ACSM2A: variants seen among roughly 807,000 people sequenced by gnomAD.
ACSM2A encodes acyl-CoA synthetase medium chain family member 2A, also known as acyl-coenzyme A synthetase ACSM2A, mitochondrial.
ACSM2A carries 72 observed loss-of-function variants against 76.6 expected under a neutral mutation model. The ratio of observed to expected loss-of-function variants is 0.94; its 90% CI spans 0.78 to 1.14. The LOEUF is 1.14. ACSM2A is among the 50% of genes most tolerant of loss of function. The pLI, the probability that ACSM2A is intolerant of heterozygous loss-of-function variation, is 0.00. For synonymous variants in ACSM2A, 249 were observed against 255.9 expected, an observed-to-expected ratio of 0.97 and a Z score of 0.26; for missense variants, 684 against 708.5, an observed-to-expected ratio of 0.97 and a Z score of 0.39.
At chr16:20,471,727 G>C in intron 6 of ACSM2A, 38 bp downstream of exon 6, 1 of 1,585,390 alleles carries the variant, frequency 6.3e-7, no homozygotes, top group Non-Finnish European at 8.6e-7. Flanking sequence ...TATTCAGAGT[G>C]AGCCCGAGGT....
chr16:20,465,917 A>G (rs2012967977), intron 3 of ACSM2A, among the ~76,000 whole-genome samples, 190 bp downstream of exon 3: 1 of 152,196 alleles, frequency 6.6e-6, no homozygotes, highest in Non-Finnish European at 1.5e-5. Context: ...TGCAGGGTGA[A>G]CAACAACAAT....
chr16:20,478,226 A>G (rs1299274080), intron 9 of ACSM2A, among the ~76,000 whole-genome samples: 1 of 152,202 alleles, frequency 6.6e-6, no homozygotes, highest in Non-Finnish European at 1.5e-5. Context: ...GTCAGCTAGT[A>G]AGGTAGCAGA....
intron 4 of ACSM2A, among the ~76,000 whole-genome samples, chr16:20,470,413 T>C (rs13336742): frequency 0.026 from 3,893 of 152,324 alleles, 163 homozygotes; most frequent in African/African-American, 0.088. Flanking sequence ...ATAGCAAGAC[T>C]GGCTGGATTA....
intron 2 of ACSM2A, among the ~76,000 whole-genome samples, chr16:20,465,134 G>A (rs558971478): frequency 2.0e-5 from 3 of 152,220 alleles, no homozygotes; most frequent in African/African-American, 7.2e-5. Flanking sequence ...TTTCTACTAA[G>A]ACGTTAAAGG....
At chr16:20,479,434 T>C (rs2013959360) in intron 10 of ACSM2A, among the ~76,000 whole-genome samples, 1 of 152,168 alleles carries the variant, frequency 6.6e-6, no homozygotes, top group Non-Finnish European at 1.5e-5. Flanking sequence ...CCCTATAAAG[T>C]TTTTGGACTC....
intron 1 of ACSM2A, among the ~76,000 whole-genome samples, chr16:20,458,121 A>G (rs2012305629): frequency 6.6e-6 from 1 of 151,732 alleles, no homozygotes. Context: ...CTATTCAAGG[A>G]AAACTACAAA....
At chr16:20,485,989 G>T (rs2014365229) in intron 13 of ACSM2A, among the ~76,000 whole-genome samples, 1 of 152,194 alleles carries the variant, frequency 6.6e-6, no homozygotes, top group Non-Finnish European at 1.5e-5. Context: ...AAATTGGAGA[G>T]ATTTTATAGT....
chr16:20,468,565 G>C (rs2013156472), intron 3 of ACSM2A, among the ~76,000 whole-genome samples: 1 of 152,120 alleles, frequency 6.6e-6, no homozygotes, highest in African/African-American at 2.4e-5. Context: ...TCGCCATGTT[G>C]GCCAGGCTGG....
intron 13 of ACSM2A, 88 bp downstream of exon 13, chr16:20,483,265 C>A (rs1467488116): frequency 6.4e-7 from 1 of 1,556,460 alleles, no homozygotes; most frequent in Non-Finnish European, 8.7e-7. Flanking sequence ...GAGGACAGTC[C>A]TCTAATTTTA....
chr16:20,480,995 A>G (rs1353300075), intron 12 of ACSM2A, 74 bp downstream of exon 12: 6 of 1,567,900 alleles, frequency 3.8e-6, no homozygotes, highest in East Asian at 2.3e-5. Context: ...GTTTAAGAAC[A>G]GGGACTGTGG....
At chr16:20,460,398 T>C (rs2012544796) in intron 2 of ACSM2A, 107 bp downstream of exon 2, 1 of 1,487,054 alleles carries the variant, frequency 6.7e-7, no homozygotes, top group Admixed American at 2.2e-5. Flanking sequence ...TGTAAGGCAC[T>C]GTAATAAGCT....
intron 8 of ACSM2A, chr16:20,476,221 T>C: frequency 3.0e-6 from 3 of 1,001,250 alleles, no homozygotes; most frequent in Non-Finnish European, 3.6e-6. Context: ...GAACCCACCA[T>C]GACTTTACTG....
rs1294831042 is a variant in ACSM2A, at chr16:20,478,139, A to G, written c.1180-437A>G. Among the ~76,000 whole-genome samples, 18 of 152,318 alleles carry G rather than the reference A, an allele frequency of 1.2e-4. 1 individual carries two copies. The South Asian group carries it at 3.5e-3, about 30-fold the overall frequency. On this transcript the variant is annotated intron_variant, in intron 9 of 13. Coordinates refer to ENST00000573854, the MANE Select transcript of ACSM2A (RefSeq NM_001308172.2). ...TCTTAGTATCTTATTTCATTCCTAT[A>G]AAAATCCTGTGAAATAAGCTGTCAG... is the stretch of plus-strand genomic sequence containing the variant.
rs561498443 is a variant in ACSM2A, at chr16:20,461,916, A to C, written c.177+1625A>C. ...ACTAGGGTTTTCAAAGATAATTTGGAGGGCAGGGGGCTAAGGAATGGGTGC... is the reference window on the plus strand; with the variant it reads ...ACTAGGGTTTTCAAAGATAATTTGGCGGGCAGGGGGCTAAGGAATGGGTGC... On this transcript the variant is annotated intron_variant, in intron 2 of 13. Transcript: ENST00000573854. Among the ~76,000 whole-genome samples the C allele has an allele frequency of 6.6e-5, 10 of 152,248 alleles. No homozygotes were observed. The South Asian group carries it at 2.1e-3, about 32-fold the overall frequency.
intron 10 of ACSM2A, among the ~76,000 whole-genome samples, chr16:20,479,008 C>T (rs2141753804): frequency 6.6e-6 from 1 of 152,326 alleles, no homozygotes; most frequent in East Asian, 1.9e-4. Context: ...TCCCTCTCCC[C>T]TAGGTATCAT....
intron 2 of ACSM2A, among the ~76,000 whole-genome samples, chr16:20,462,828 C>CA (rs143998871): frequency 0.01 from 1,543 of 150,816 alleles, 24 homozygotes; most frequent in African/African-American, 0.035. Flanking sequence ...GGGTATACAC[C>CA]AAAAAAAACT....
chr16:20,477,913 T>G (rs1169230980), intron 9 of ACSM2A, among the ~76,000 whole-genome samples: 1 of 152,192 alleles, frequency 6.6e-6, no homozygotes, highest in Non-Finnish European at 1.5e-5. Flanking sequence ...TTTTCACTAG[T>G]AAAAATACAC....
intron 9 of ACSM2A, 115 bp downstream of exon 9, chr16:20,477,564 A>G: frequency 6.9e-7 from 1 of 1,450,852 alleles, no homozygotes; most frequent in Admixed American, 2.4e-5. Context: ...TATTAAGATA[A>G]CATAAGAAAA....
chr16:20,474,412 C>T (rs2013602451), intron 6 of ACSM2A, among the ~76,000 whole-genome samples: 1 of 152,096 alleles, frequency 6.6e-6, no homozygotes, highest in African/African-American at 2.4e-5. Context: ...TCGTGAGCCC[C>T]TTTACAATGT....
Sources: allele counts gnomAD v4.1 joint callset (sites outside exome capture counted in the v4.1 genomes callset), GRCh38; gene constraint gnomAD v4.1.1; transcripts MANE v1.5; gene names NCBI Gene and HGNC (gene_info 2026-07-23, HGNC 2026-07-21).